Variants in SLC15A1 observed in about 807,000 individuals in gnomAD.
SLC15A1 encodes solute carrier family 15 member 1.
SLC15A1 carries 83 observed loss-of-function variants against 92.9 expected under a neutral mutation model. The ratio of observed to expected loss-of-function variants is 0.89; its 90% CI spans 0.75 to 1.07. The LOEUF (loss-of-function observed/expected upper bound fraction) is 1.07. Ranked by LOEUF, SLC15A1 falls within the 50% of genes least tolerant of loss-of-function variation. SLC15A1 has a pLI of 0.00. For synonymous variants in SLC15A1, 322 were observed against 318.2 expected (o/e 1.01, Z -0.13); for missense variants, 857 against 880.1 (o/e 0.97, Z 0.33).
At chr13:98,752,407 C>T (rs2088554264) in intron 1 of SLC15A1, among the ~76,000 whole-genome samples, 188 bp downstream of exon 1, 1 of 152,156 alleles carries the variant, frequency 6.6e-6, no homozygotes, top group Non-Finnish European at 1.5e-5. Context: ...CTTCCGCGCC[C>T]CGGCCGCACG....
intron 18 of SLC15A1, 75 bp downstream of exon 18, chr13:98,702,405 T>C: frequency 2.0e-6 from 2 of 983,228 alleles, no homozygotes; most frequent in South Asian, 2.6e-5. Context: ...CCTTGTTACA[T>C]TTGGACTTTA....
At chr13:98,716,464 A>C (rs2088212001) in intron 8 of SLC15A1, among the ~76,000 whole-genome samples, 1 of 152,054 alleles carries the variant, frequency 6.6e-6, no homozygotes, top group African/African-American at 2.4e-5. Flanking sequence ...TCTACTAAAA[A>C]CACAAAAATT....
rs751457045 is a variant in SLC15A1, at chr13:98,724,034, G to C, written c.246-3C>G. The stretch of plus-strand genomic sequence containing the variant: ...CAATGGAGAGCGACACAATGGTCCT[G>C]TGTTTCCAAAGATTAAGAGAATCCG... On this transcript the variant is annotated splice_polypyrimidine_tract_variant and splice_region_variant and intron_variant, in intron 4 of 22. Coordinates refer to ENST00000376503, the MANE Select transcript of SLC15A1 (RefSeq NM_005073.4). 15 of 1,613,832 alleles carry C rather than the reference G, an allele frequency of 9.3e-6. No homozygotes were observed. The highest frequency in any genetic ancestry group is 4.0e-5 in the African/African-American group (3 of 74,906).
chr13:98,712,555 C>T lies in SLC15A1; in HGVS notation c.753G>A (p.Arg251=). ...GFAIKNRFRH[R]SKAFPKREHW... ...GCTCCCTCTTGGGAAATGCCTTACT[C>T]CGATGCCTAAATCTATTTTTGATGG... is the stretch of plus-strand genomic sequence containing the variant. Residue 251 remains arginine, a synonymous_variant, in exon 10 of 23, where the codon CGG becomes CGA. Transcript: ENST00000376503. The T allele has an allele frequency of 6.2e-7, 1 of 1,609,084 alleles. No individual in the cohort carries two copies. The highest frequency in any genetic ancestry group is 8.5e-7 in the Non-Finnish European group (1 of 1,178,194).
intron 1 of SLC15A1, among the ~76,000 whole-genome samples, chr13:98,746,943 C>T (rs551417408): frequency 4.4e-4 from 67 of 152,290 alleles, no homozygotes; most frequent in African/African-American, 1.6e-3. Flanking sequence ...CACTTCCCAA[C>T]GGCTGAGCCT....
At chr13:98,711,225 C>T (rs1339064554) in intron 11 of SLC15A1, among the ~76,000 whole-genome samples, 3 of 152,146 alleles carry the variant, frequency 2.0e-5, no homozygotes, top group Admixed American at 1.3e-4. Context: ...ATTCTGTAAA[C>T]CAGGATTGAT....
At chr13:98,712,880 G>A (rs1466284268) in intron 9 of SLC15A1, among the ~76,000 whole-genome samples, 1 of 152,122 alleles carries the variant, frequency 6.6e-6, no homozygotes, top group Non-Finnish European at 1.5e-5. Context: ...CTAGTAGCCA[G>A]CTTAAAAAGT....
chr13:98,713,096 G>A lies in SLC15A1; in HGVS notation c.724-512C>T, dbSNP rs545641458. Among the ~76,000 whole-genome samples, 19 of 152,146 alleles carry A rather than the reference G, an allele frequency of 1.2e-4. No homozygotes were observed. The East Asian group carries it at 3.1e-3, about 25-fold the overall frequency. On this transcript the variant is annotated intron_variant, in intron 9 of 22. Coordinates refer to ENST00000376503, the MANE Select transcript of SLC15A1 (RefSeq NM_005073.4). ...TTTTGAGACAAGGTCTTGCTCTGTCGCCTAGGCTGAAATACAGTGGCACTG... is the reference window on the plus strand; with the variant it reads ...TTTTGAGACAAGGTCTTGCTCTGTCACCTAGGCTGAAATACAGTGGCACTG...
intron 21 of SLC15A1, 145 bp downstream of exon 21, chr13:98,687,436 C>T (rs1318399218): frequency 1.0e-5 from 10 of 952,958 alleles, no homozygotes; most frequent in Non-Finnish European, 1.6e-5. Context: ...TTGGTGACCT[C>T]AGAGACCTTG....
At position 98,726,843 on chromosome 13, in the gene SLC15A1, G is replaced by A. The variant is rs369459343; in HGVS notation, c.21C>T (p.His7=). ...GTAGAGAAGGAAAAAGGGTACTCAC[G>A]TGTGATTTGGACATTCCTAAAAGAA... MGMSKS[H]SFFGYPLSIF... is the part of the protein sequence containing the mutation. Residue 7 remains histidine, a splice_region_variant and synonymous_variant, in exon 2 of 23, where the codon CAC becomes CAT. Transcript: ENST00000376503. 119 of 1,612,924 alleles carry A rather than the reference G, an allele frequency of 7.4e-5. 1 individual carries two copies. The highest frequency in any genetic ancestry group is 2.0e-4 in the South Asian group (18 of 91,054).
chr13:98,719,943 C>T (rs2088242561), intron 7 of SLC15A1, among the ~76,000 whole-genome samples: 2 of 151,644 alleles, frequency 1.3e-5, no homozygotes, highest in African/African-American at 4.8e-5. Flanking sequence ...CTTTGAAATC[C>T]CAGGATTTAT....
intron 16 of SLC15A1, among the ~76,000 whole-genome samples, chr13:98,705,754 T>G (rs2088107730): frequency 6.6e-6 from 1 of 152,102 alleles, no homozygotes; most frequent in Non-Finnish European, 1.5e-5. Flanking sequence ...TAGCTGGGTG[T>G]GGTGGCACAC....
At chr13:98,703,002 A>C (rs2139573548) in intron 17 of SLC15A1, among the ~76,000 whole-genome samples, 1 of 150,440 alleles carries the variant, frequency 6.6e-6, no homozygotes, top group African/African-American at 2.4e-5. Context: ...AAGAAAAGAA[A>C]AAGAGGGTTT....
intron 1 of SLC15A1, among the ~76,000 whole-genome samples, chr13:98,748,391 A>C (rs1305006848): frequency 1.3e-5 from 2 of 152,132 alleles, no homozygotes; most frequent in African/African-American, 4.8e-5. Flanking sequence ...CCTGGGCTCA[A>C]GTGATCCTCT....
chr13:98,706,368 C>T (rs1328252375), intron 15 of SLC15A1, 115 bp from the exon 16 acceptor site: 3 of 1,181,596 alleles, frequency 2.5e-6, no homozygotes, highest in South Asian at 1.4e-5. Flanking sequence ...CTGGCTGAAA[C>T]ACGCCAGGTG....
At chr13:98,692,636 T>C (rs1272606059) in intron 18 of SLC15A1, among the ~76,000 whole-genome samples, 2 of 152,248 alleles carry the variant, frequency 1.3e-5, no homozygotes, top group Non-Finnish European at 2.9e-5. Flanking sequence ...GTGAAACTGC[T>C]GAGTTTTGTA....
At chr13:98,719,642 G>C (rs74407347) in intron 7 of SLC15A1, among the ~76,000 whole-genome samples, 7 of 152,088 alleles carry the variant, frequency 4.6e-5, no homozygotes, top group African/African-American at 1.7e-4. Flanking sequence ...TTGATTATAT[G>C]GGACTCAGTA....
At chr13:98,742,190 C>G (rs2139610295) in intron 1 of SLC15A1, among the ~76,000 whole-genome samples, 1 of 152,340 alleles carries the variant, frequency 6.6e-6, no homozygotes, top group East Asian at 1.9e-4. Flanking sequence ...GGTGGGGGAG[C>G]TTTCTGCCCA....
Position 98,687,577 on chromosome 13 carries a change from A to G in SLC15A1, c.1827+4T>C, listed in dbSNP as rs1247987459. The stretch of plus-strand genomic sequence containing the variant: ...ATGGGTGGTAAATACAACAAACAAG[A>G]AACCTGAGAATATGAGAATTCCAAT... On this transcript the variant is annotated splice_donor_region_variant and intron_variant, in intron 21 of 22. Coordinates refer to ENST00000376503, the MANE Select transcript of SLC15A1 (RefSeq NM_005073.4). 6.2e-7 allele frequency: 1 copy of G among 1,613,828 alleles called. No homozygotes were observed. The highest frequency in any genetic ancestry group is 1.1e-5 in the South Asian group (1 of 90,970).
Sources: gnomAD v4.1 joint callset for allele counts (sites outside exome capture counted in the v4.1 genomes callset) on GRCh38, gnomAD v4.1.1 for gene constraint, MANE v1.5 for transcripts, NCBI Gene and HGNC (gene_info 2026-07-23, HGNC 2026-07-21) for gene names.